DCK: variants seen among roughly 807,000 people sequenced by gnomAD.
DCK encodes the protein deoxyadenosine kinase.
DCK carries 23 observed loss-of-function variants against 38.3 expected under a neutral mutation model. The ratio of observed to expected loss-of-function variants is 0.60; its 90% CI spans 0.43 to 0.85. The LOEUF is 0.85. Ranked by LOEUF, DCK falls within the 40% of genes least tolerant of loss-of-function variation. The probability of loss-of-function intolerance (pLI) is 0.00; values close to 1 mark genes in which losing one functional copy is unlikely to be tolerated. For missense variants in DCK, 259 were observed against 304.4 expected (o/e 0.85, Z 1.11); for synonymous variants, 108 against 100.6 (o/e 1.07, Z -0.44).
At chr4:71,011,047 C>T (rs1177466383) in intron 2 of DCK, among the ~76,000 whole-genome samples, 2 of 151,508 alleles carry the variant, frequency 1.3e-5, no homozygotes, top group African/African-American at 4.9e-5. Context: ...AGCGATTTTC[C>T]TGCCTTAGCC....
intron 4 of DCK, 111 bp from the exon 5 acceptor site, chr4:71,025,705 G>A (rs1044565256): frequency 1.5e-6 from 2 of 1,343,718 alleles, no homozygotes; most frequent in Non-Finnish European, 2.0e-6. Context: ...GTAATAAGTA[G>A]AGATTTTGGC....
At chr4:71,001,297 T>G (rs1739795801) in intron 2 of DCK, among the ~76,000 whole-genome samples, 1 of 152,218 alleles carries the variant, frequency 6.6e-6, no homozygotes, top group Non-Finnish European at 1.5e-5. Context: ...TTTTATTGAT[T>G]TGAGTATGTT....
chr4:70,997,239 C>T (rs1024250891), intron 1 of DCK, among the ~76,000 whole-genome samples: 16 of 152,140 alleles, frequency 1.1e-4, no homozygotes, highest in African/African-American at 3.6e-4. Flanking sequence ...TTTCCCTCTT[C>T]CATCTAGCTC....
intron 2 of DCK, among the ~76,000 whole-genome samples, chr4:71,014,763 T>G (rs1740211203): frequency 6.6e-6 from 1 of 152,124 alleles, no homozygotes; most frequent in African/African-American, 2.4e-5. Context: ...TGGGACACAT[T>G]TAAAGCAGTG....
chr4:71,003,588 C>G (rs1347540078), intron 2 of DCK, among the ~76,000 whole-genome samples: 1 of 152,178 alleles, frequency 6.6e-6, no homozygotes, highest in African/African-American at 2.4e-5. Context: ...TTCAGGTATA[C>G]CAGTCAAACG....
At chr4:71,007,963 G>A (rs1009568856) in intron 2 of DCK, among the ~76,000 whole-genome samples, 1 of 152,180 alleles carries the variant, frequency 6.6e-6, no homozygotes, top group Admixed American at 6.5e-5. Context: ...CTGGGCTCAA[G>A]CGATCTGCCC....
At chr4:71,012,709 G>T (rs185760736) in intron 2 of DCK, among the ~76,000 whole-genome samples, 4,439 of 151,670 alleles carry the variant, frequency 0.029, 94 homozygotes, top group Middle Eastern at 0.058. Flanking sequence ...GAGGGTCCTG[G>T]CTGTTAGAAG....
chr4:71,007,401 C>T (rs1739972089), intron 2 of DCK, among the ~76,000 whole-genome samples: 1 of 152,174 alleles, frequency 6.6e-6, no homozygotes, highest in South Asian at 2.1e-4. Context: ...AGAAATACGA[C>T]ATCATCATTC....
intron 5 of DCK, among the ~76,000 whole-genome samples, 176 bp from the exon 6 acceptor site, chr4:71,026,489 A>G (rs1479812016): frequency 1.3e-5 from 2 of 152,138 alleles, no homozygotes; most frequent in African/African-American, 2.4e-5. Flanking sequence ...TTTGGGCTCC[A>G]TATGGTAAAT....
At position 71,022,354 on chromosome 4, in the gene DCK, A is replaced by G. The variant is rs1740445501; in HGVS notation, c.208-13A>G. On this transcript the variant is annotated splice_polypyrimidine_tract_variant and intron_variant, in intron 2 of 6. Coordinates refer to ENST00000286648, the MANE Select transcript of DCK (RefSeq NM_000788.3). ...AATTTTGCTTTTTATTTCTTTTTGC[A>G]CATTCAAAATAGGAACTTACAATGT... 6.8e-7 allele frequency: 1 copy of G among 1,467,446 alleles called. No homozygotes were observed. 90.9% of individuals were successfully genotyped at this position (1,467,446 alleles called of 1,614,324 possible).
chr4:70,995,555 G>A (rs1739641723), intron 1 of DCK, among the ~76,000 whole-genome samples: 1 of 151,838 alleles, frequency 6.6e-6, no homozygotes, highest in South Asian at 2.1e-4. Flanking sequence ...CTCTAGCCTG[G>A]GTGACAGAGC....
At chr4:71,021,467 C>T (rs1740424093) in intron 2 of DCK, among the ~76,000 whole-genome samples, 1 of 152,164 alleles carries the variant, frequency 6.6e-6, no homozygotes, top group Non-Finnish European at 1.5e-5. Flanking sequence ...AAATGTGGTT[C>T]TAACAATAAG....
intron 1 of DCK, among the ~76,000 whole-genome samples, chr4:70,996,471 G>A (rs1027137541): frequency 1.2e-4 from 19 of 152,098 alleles, no homozygotes; most frequent in African/African-American, 3.6e-4. Context: ...TGTTAACACC[G>A]GGCCTGCATT....
intron 2 of DCK, among the ~76,000 whole-genome samples, chr4:71,021,953 A>G (rs2363439): frequency 0.94 from 142,443 of 152,196 alleles, 67,405 homozygotes; most frequent in Non-Finnish European, 1. Flanking sequence ...AGTGAGCTGA[A>G]ATCGTGCCAC....
In DCK at chr4:71,025,863, C is replaced by T; in HGVS notation, c.597C>T (p.Gly199=). ...TACGGGGAAGAAATGAAGAGCAAGG[C>T]ATTCCTCTTGAATATTTAGAGAAGC... is the stretch of plus-strand genomic sequence containing the variant. ...IYLRGRNEEQ[G]IPLEYLEKLH... Residue 199 remains glycine (G), a synonymous_variant, in exon 5 of 7, where the codon GGC becomes GGT. Transcript: ENST00000286648. The T allele has an allele frequency of 6.2e-7, 1 of 1,611,516 alleles. No homozygotes were observed. The highest frequency in any genetic ancestry group is 8.5e-7 in the Non-Finnish European group (1 of 1,178,608).
intron 2 of DCK, among the ~76,000 whole-genome samples, chr4:71,011,460 G>A (rs34969740): frequency 0.2 from 30,395 of 151,974 alleles, 4,099 homozygotes; most frequent in Non-Finnish European, 0.31. Flanking sequence ...GGGCTCAAGT[G>A]ATCCTCCCAC....
At chr4:71,016,290 A>C (rs1443365759) in intron 2 of DCK, among the ~76,000 whole-genome samples, 2 of 152,236 alleles carry the variant, frequency 1.3e-5, no homozygotes, top group South Asian at 2.1e-4. Context: ...AAGAGGACAC[A>C]AACAAATGGA....
chr4:71,011,891 A>G (rs1740098363), intron 2 of DCK, among the ~76,000 whole-genome samples: 1 of 152,248 alleles, frequency 6.6e-6, no homozygotes, highest in Non-Finnish European at 1.5e-5. Context: ...AGAGAACAGA[A>G]TAAATGTTAT....
intron 2 of DCK, among the ~76,000 whole-genome samples, chr4:71,009,365 T>C (rs1269006340): frequency 6.6e-6 from 1 of 152,188 alleles, no homozygotes; most frequent in African/African-American, 2.4e-5. Context: ...CAATTTATAA[T>C]AAGGTTGTCT....
Sources: gnomAD v4.1 joint callset for allele counts (sites outside exome capture counted in the v4.1 genomes callset) on GRCh38, gnomAD v4.1.1 for gene constraint, MANE v1.5 for transcripts, NCBI Gene and HGNC (gene_info 2026-07-23, HGNC 2026-07-21) for gene names.